Variants in NCKAP5 observed in about 807,000 individuals in gnomAD.
NCKAP5 encodes nck-associated protein 5.
A neutral mutation model predicts 167.0 loss-of-function variants in NCKAP5; 92 were observed. The observed-to-expected ratio is 0.55, with a 90% CI of 0.47 to 0.66. NCKAP5 has a LOEUF of 0.66. NCKAP5 is among the 30% of genes least tolerant of loss of function. The pLI, the probability that NCKAP5 is intolerant of heterozygous loss-of-function variation, is 0.00. For synonymous variants in NCKAP5, 891 were observed against 877.4 expected (o/e 1.02, Z -0.27); for missense variants, 2,378 against 2,315.0 (o/e 1.03, Z -0.56).
chr2:133,672,932 C>T, the NCKAP5 span, among the ~76,000 whole-genome samples: 2 of 152,172 alleles, frequency 1.3e-5, no homozygotes, highest in Non-Finnish European at 2.9e-5. Context: ...GACTCAAAAT[C>T]AGAAAGGACC....
At chr2:133,617,139 G>C in the NCKAP5 span, among the ~76,000 whole-genome samples, 30 of 152,308 alleles carry the variant, frequency 2.0e-4, no homozygotes, top group East Asian at 5.6e-3. Context: ...ATTAGGTATT[G>C]ATGGGACATA....
intron 4 of NCKAP5, among the ~76,000 whole-genome samples, chr2:133,226,646 G>A (rs11694740): frequency 0.34 from 47,854 of 139,972 alleles, 8,888 homozygotes; most frequent in Non-Finnish European, 0.41. Context: ...CACACAGGAA[G>A]AACACCATGT....
intron 8 of NCKAP5, chr2:132,931,081 G>A (rs1696340576): frequency 6.6e-6 from 1 of 152,094 alleles, no homozygotes; most frequent in Non-Finnish European, 1.5e-5. Context: ...CCATCCTCTG[G>A]CTACCCTGAC....
chr2:133,360,310 C>A (rs1381152652), intron 3 of NCKAP5, among the ~76,000 whole-genome samples: 3 of 152,182 alleles, frequency 2.0e-5, no homozygotes, highest in African/African-American at 7.2e-5. Flanking sequence ...AATCTCAAAT[C>A]AAAGGCAGAC....
chr2:133,363,834 A>G (rs1258995819), intron 3 of NCKAP5, among the ~76,000 whole-genome samples: 1 of 152,214 alleles, frequency 6.6e-6, no homozygotes, highest in African/African-American at 2.4e-5. Flanking sequence ...GCTATGTAAC[A>G]GGGACACATA....
At chr2:132,833,627 T>C (rs541646894) in intron 11 of NCKAP5, among the ~76,000 whole-genome samples, 1 of 152,212 alleles carries the variant, frequency 6.6e-6, no homozygotes, top group Non-Finnish European at 1.5e-5. Flanking sequence ...GTGTTCTTTA[T>C]CCAATGCATG....
Position 133,130,032 on chromosome 2 carries a change from A to G in NCKAP5, c.287T>C (p.Leu96Pro). 6.2e-7 allele frequency: 1 copy of G among 1,611,660 alleles called. No homozygotes were observed. Among genetic ancestry groups the G allele is most frequent in the South Asian group, 1.1e-5 (1 of 90,468 alleles). Residue 96 changes from leucine to proline, a missense_variant, in exon 6 of 20, where the codon CTA becomes CCA. Coordinates refer to ENST00000409261, the MANE Select transcript of NCKAP5 (RefSeq NM_207363.3). ...QSEKRLQEVTLESERNRIQMR... is the reference protein window; with the variant it reads ...QSEKRLQEVTPESERNRIQMR... ...CTGAATTCTGTTGCGTTCAGACTCT[A>G]GGGTCACCTCCTGCAACCGCTTCTC...
chr2:132,795,839 C>A (rs201216916), intron 12 of NCKAP5, among the ~76,000 whole-genome samples: 18,184 of 107,358 alleles, frequency 0.17, 1,961 homozygotes, highest in East Asian at 0.24. Context: ...AAAAAAAAAA[C>A]AAAAAAAACA....
intron 5 of NCKAP5, among the ~76,000 whole-genome samples, chr2:133,157,917 C>T (rs1261606264): frequency 6.6e-6 from 1 of 152,064 alleles, no homozygotes; most frequent in African/African-American, 2.4e-5. Context: ...TTACAATCAC[C>T]CCATATAACT....
intron 8 of NCKAP5, among the ~76,000 whole-genome samples, chr2:132,933,837 G>A (rs1181911332): frequency 6.6e-6 from 1 of 152,086 alleles, no homozygotes; most frequent in Non-Finnish European, 1.5e-5. Context: ...GAAAAGAATT[G>A]TATTTTCAGA....
chr2:133,235,170 T>C (rs1293686817), intron 4 of NCKAP5, among the ~76,000 whole-genome samples: 2 of 151,892 alleles, frequency 1.3e-5, no homozygotes, highest in South Asian at 2.1e-4. Context: ...CAATTAGAAA[T>C]TGGTCTGCTC....
chr2:133,663,790 A>G, the NCKAP5 span, among the ~76,000 whole-genome samples: 9 of 152,028 alleles, frequency 5.9e-5, no homozygotes, highest in African/African-American at 2.2e-4. Context: ...AAACCCCTCA[A>G]AGTCATCCAT....
intron 3 of NCKAP5, among the ~76,000 whole-genome samples, chr2:133,427,249 A>G (rs1689871193): frequency 6.6e-6 from 1 of 152,250 alleles, no homozygotes; most frequent in Admixed American, 6.5e-5. Flanking sequence ...AATGAGTAGG[A>G]AGACAATTTG....
chr2:133,261,581 C>T (rs2088909936), intron 4 of NCKAP5, among the ~76,000 whole-genome samples: 1 of 152,172 alleles, frequency 6.6e-6, no homozygotes, highest in African/African-American at 2.4e-5. Context: ...CCTCTTCCAG[C>T]TGAGAATAAG....
At chr2:132,856,515 C>A (rs1277034512) in intron 11 of NCKAP5, among the ~76,000 whole-genome samples, 1 of 152,142 alleles carries the variant, frequency 6.6e-6, no homozygotes, top group Non-Finnish European at 1.5e-5. Context: ...CTATAAAATT[C>A]TTTTCTTCCT....
chr2:133,060,912 T>C (rs753278150), intron 6 of NCKAP5, among the ~76,000 whole-genome samples: 11 of 152,150 alleles, frequency 7.2e-5, no homozygotes, highest in African/African-American at 1.2e-4. Context: ...TCAGAGCTTA[T>C]AGGCCTTCTG....
chr2:133,314,865 A>C (rs145403767), intron 3 of NCKAP5, among the ~76,000 whole-genome samples: 232 of 152,284 alleles, frequency 1.5e-3, no homozygotes, highest in Non-Finnish European at 3.0e-3. Context: ...GCAAACACCT[A>C]AAGGAAGTGA....
At chr2:132,674,113 G>A (rs970317125) in intron 19 of NCKAP5, among the ~76,000 whole-genome samples, 3 of 152,170 alleles carry the variant, frequency 2.0e-5, no homozygotes, top group Non-Finnish European at 4.4e-5. Context: ...AAAACAATGA[G>A]AAAAACAGAC....
At chr2:133,521,485 T>C (rs903916463) in intron 2 of NCKAP5, among the ~76,000 whole-genome samples, 3 of 152,270 alleles carry the variant, frequency 2.0e-5, no homozygotes, top group Admixed American at 1.3e-4. Flanking sequence ...CATAACAGAA[T>C]AACACAGACT....
Sources: allele counts gnomAD v4.1 joint callset (sites outside exome capture counted in the v4.1 genomes callset), GRCh38; gene constraint gnomAD v4.1.1; transcripts MANE v1.5; gene names NCBI Gene and HGNC (gene_info 2026-07-23, HGNC 2026-07-21).